The following PCDHGB4 variants were observed in gnomAD, a reference collection of about 807,000 sequenced individuals.
The protein encoded by PCDHGB4 is protocadherin gamma subfamily B, 4, also known as protocadherin gamma-B4.
PCDHGB4 carries 38 observed loss-of-function variants against 60.5 expected under a neutral mutation model. The ratio of observed to expected loss-of-function variants is 0.63; its 90% CI spans 0.48 to 0.82. The LOEUF is 0.82. Among genes scored for constraint, PCDHGB4 ranks in the 40% least tolerant of loss-of-function variants. The pLI is 0.00. For missense variants in PCDHGB4, 1,109 were observed against 1,209.6 expected (o/e 0.92, Z 1.23); for synonymous variants, 456 against 509.7 (o/e 0.89, Z 1.42).
At position 141,389,973 on chromosome 5, in the gene PCDHGB4, A is replaced by C. The variant is rs375422602; in HGVS notation, c.2089A>C (p.Ile697Leu). Residue 697 changes from isoleucine to leucine, a missense_variant, in exon 1 of 4, where the codon ATC becomes CTC. Ile to Leu is a conservative substitution (Grantham distance 5). Around this residue, in one of 2 missense-constraint regions of PCDHGB4, gnomAD observed 1,068 missense variants for 1,089.9 expected, o/e 0.98. Coordinates refer to ENST00000519479, the MANE Select transcript of PCDHGB4 (RefSeq NM_003736.4). ...QFYLVVALAL[I>L]SVLFLVAMIL... Reference sequence around the variant, plus strand: ...TTACCTAGTGGTGGCCTTGGCCTTGATCTCAGTGCTCTTCCTCGTGGCCAT... The same window carrying C: ...TTACCTAGTGGTGGCCTTGGCCTTGCTCTCAGTGCTCTTCCTCGTGGCCAT... 82 of 1,613,684 alleles carry C rather than the reference A, an allele frequency of 5.1e-5. No homozygotes were observed. The highest frequency in any genetic ancestry group is 6.5e-5 in the Non-Finnish European group (77 of 1,179,850).
intron 2 of PCDHGB4, among the ~76,000 whole-genome samples, chr5:141,495,662 C>G (rs545912968): frequency 6.6e-6 from 1 of 152,138 alleles, no homozygotes; most frequent in Admixed American, 6.6e-5. Flanking sequence ...TGATCTGTGC[C>G]GCCCACTGTG....
At position 141,390,285 on chromosome 5, in the gene PCDHGB4, A is replaced by T. The variant is rs1428739924; in HGVS notation, c.2397+4A>T. Reference sequence around the variant, plus strand: ...CAGTGAATTGACTTCCCATCAGGTGAGTTTCCTTTAAGTATAATTTAATGC... The same window carrying T: ...CAGTGAATTGACTTCCCATCAGGTGTGTTTCCTTTAAGTATAATTTAATGC... On this transcript the variant is annotated splice_donor_region_variant and intron_variant, in intron 1 of 3. Transcript: ENST00000519479. 6.2e-7 allele frequency: 1 copy of T among 1,613,968 alleles called. No individual in the cohort carries two copies. Among genetic ancestry groups the T allele is most frequent in the Non-Finnish European group, 8.5e-7 (1 of 1,179,856 alleles).
Position 141,487,007 on chromosome 5 carries a change from G to A in PCDHGB4, c.2398-7800G>A, listed in dbSNP as rs563548715. The A allele has an allele frequency of 3.1e-6, 5 of 1,614,206 alleles. No homozygotes were observed. In the South Asian group the frequency reaches 5.5e-5, roughly 18 times the overall value. ...TGCTTGGGTTTCCTATCAGCTCCTGGAGGCCCCAGATCCCAGCCTGTTTGC... is the reference window on the plus strand; with the variant it reads ...TGCTTGGGTTTCCTATCAGCTCCTGAAGGCCCCAGATCCCAGCCTGTTTGC... On this transcript the variant is annotated intron_variant, in intron 1 of 3. Transcript: ENST00000519479. This position sits in a 1 kb window ranked among gnomAD's most constrained non-coding sequence, Gnocchi z 5.0.
At chr5:141,475,090 A>G (rs991061660) in intron 1 of PCDHGB4, among the ~76,000 whole-genome samples, 1 of 152,264 alleles carries the variant, frequency 6.6e-6, no homozygotes, top group African/African-American at 2.4e-5. Flanking sequence ...CAATAATTTT[A>G]TAAAGATCCT....
chr5:141,423,906 G>A (rs2096789586), intron 1 of PCDHGB4: 17 of 1,272,396 alleles, frequency 1.3e-5, no homozygotes, highest in Non-Finnish European at 1.7e-5. Context: ...ATTTCAAAGG[G>A]GCCATTCAAC....
At position 141,486,038 on chromosome 5, in the gene PCDHGB4, G is replaced by T; in HGVS notation, c.2398-8769G>T. The stretch of plus-strand genomic sequence containing the variant: ...TTTCAGTGGTCATACCCCTGATCGT[G>T]TAAGAAACCTCTTTAGCCTGCACCC... On this transcript the variant is annotated intron_variant, in intron 1 of 3. Coordinates refer to ENST00000519479, the MANE Select transcript of PCDHGB4 (RefSeq NM_003736.4). This position sits in a 1 kb window ranked among gnomAD's most constrained non-coding sequence, Gnocchi z 5.0. The T allele has an allele frequency of 3.1e-6, 5 of 1,614,184 alleles. No individual in the cohort carries two copies. Among genetic ancestry groups the T allele is most frequent in the Non-Finnish European group, 4.2e-6 (5 of 1,180,018 alleles).
rs1461837957 is a variant in PCDHGB4, at chr5:141,432,613, G to C, written c.2397+42332G>C. The C allele has an allele frequency of 6.2e-7, 1 of 1,613,946 alleles. No homozygotes were observed. The highest frequency in any genetic ancestry group is 1.3e-5 in the African/African-American group (1 of 75,056). On this transcript the variant is annotated intron_variant, in intron 1 of 3. Coordinates refer to ENST00000519479, the MANE Select transcript of PCDHGB4 (RefSeq NM_003736.4). The surrounding 1 kb of genome is among the most constrained non-coding windows in gnomAD (Gnocchi z 6.0). ...AGGCCAGCGAGCCGGGACTCTTCTC[G>C]GTGGGTCTGCACACGGGCGAGGTGC...
chr5:141,408,316 G>T (rs1407149479), intron 1 of PCDHGB4: 2 of 1,613,750 alleles, frequency 1.2e-6, no homozygotes, highest in African/African-American at 1.3e-5. Flanking sequence ...ACTCGATTCC[G>T]GAGGAGCTGG....
rs2099389707 is a variant in PCDHGB4, at chr5:141,476,358, G to A, written c.2398-18449G>A. On this transcript the variant is annotated intron_variant, in intron 1 of 3. Transcript: ENST00000519479. This position sits in a 1 kb window ranked among gnomAD's most constrained non-coding sequence, Gnocchi z 7.6. ...AGCCGAAGATTCTTTGAGGTGAACC[G>A]GGAGACCGGAGAGATGTTTGTGAAC... 6.2e-7 allele frequency: 1 copy of A among 1,614,134 alleles called. No individual in the cohort carries two copies. The highest frequency in any genetic ancestry group is 8.5e-7 in the Non-Finnish European group (1 of 1,180,022).
At chr5:141,499,022 AAGG>A (rs2099788758) in intron 2 of PCDHGB4, among the ~76,000 whole-genome samples, 3 of 150,722 alleles carry the variant, frequency 2.0e-5, no homozygotes, top group Non-Finnish European at 3.0e-5. Context: ...GGAAGGAAGG[AAGG>A]AAGAAAAGAA....
At position 141,438,956 on chromosome 5, in the gene PCDHGB4, G is replaced by A. The variant is rs140181975; in HGVS notation, c.2397+48675G>A. 3.9e-3 allele frequency among the ~76,000 whole-genome samples: 592 copies of A among 151,974 alleles called. 6 individuals are homozygous for A. Among genetic ancestry groups the A allele is most frequent in the Admixed American group, 0.011 (171 of 15,242 alleles). On this transcript the variant is annotated intron_variant, in intron 1 of 3. Coordinates refer to ENST00000519479, the MANE Select transcript of PCDHGB4 (RefSeq NM_003736.4). ...GCTGGGATTATAGGCATGAGCCACCGCACCCTGCCAACTGTCTGACTTATC... is the reference window on the plus strand; with the variant it reads ...GCTGGGATTATAGGCATGAGCCACCACACCCTGCCAACTGTCTGACTTATC...
At chr5:141,417,673 C>G in intron 1 of PCDHGB4, 3 of 970,368 alleles carry the variant, frequency 3.1e-6, no homozygotes, top group Non-Finnish European at 2.9e-6. Context: ...CCTGCGCAGC[C>G]AACAACAGAA....
rs761704779 is a variant in PCDHGB4 at position 141,486,764 on chromosome 5, C to T, written c.2398-8043C>T. ...CTTTGACTATGAGCAAACCCAGACA[C>T]TGCAGTTTGAGGTGCAGGCCCGGGA... On this transcript the variant is annotated intron_variant, in intron 1 of 3. Transcript: ENST00000519479. This position sits in a 1 kb window ranked among gnomAD's most constrained non-coding sequence, Gnocchi z 5.0. 6.2e-7 allele frequency: 1 copy of T among 1,614,264 alleles called. No homozygotes were observed. The highest frequency in any genetic ancestry group is 2.2e-5 in the East Asian group (1 of 44,880).
chr5:141,421,569 C>T (rs1029858235), intron 1 of PCDHGB4: 2 of 1,613,884 alleles, frequency 1.2e-6, no homozygotes, highest in Non-Finnish European at 1.7e-6. Flanking sequence ...TGGAAGACAC[C>T]TTGAAGATTT....
chr5:141,396,860 T>C (rs1273570477), intron 1 of PCDHGB4, among the ~76,000 whole-genome samples: 1 of 152,230 alleles, frequency 6.6e-6, no homozygotes, highest in African/African-American at 2.4e-5. Flanking sequence ...ATAGTTTGTG[T>C]ACCATTTGGA....
chr5:141,407,807 T>C (rs916388568), intron 1 of PCDHGB4, among the ~76,000 whole-genome samples: 1 of 152,202 alleles, frequency 6.6e-6, no homozygotes, highest in African/African-American at 2.4e-5. Flanking sequence ...CATAGAAATA[T>C]CTACTATAAT....
chr5:141,450,592 T>G (rs1403924348), intron 1 of PCDHGB4, among the ~76,000 whole-genome samples: 1 of 151,838 alleles, frequency 6.6e-6, no homozygotes, highest in Non-Finnish European at 1.5e-5. Context: ...GTTCAAGCAA[T>G]TCTCCTGCCT....
intron 1 of PCDHGB4, among the ~76,000 whole-genome samples, chr5:141,492,927 G>A (rs925569925): frequency 2.0e-5 from 3 of 152,180 alleles, no homozygotes; most frequent in Admixed American, 6.5e-5. Context: ...AGCGATCTAG[G>A]GTCAGAGATT....
chr5:141,470,825 C>T (rs557419577), intron 1 of PCDHGB4, among the ~76,000 whole-genome samples: 5 of 152,064 alleles, frequency 3.3e-5, no homozygotes, highest in Admixed American at 1.3e-4. Context: ...GTAGTTAGGA[C>T]GACAAACACA....
Sources: gnomAD v4.1 joint callset for allele counts (sites outside exome capture counted in the v4.1 genomes callset) on GRCh38, gnomAD v4.1.1 for gene constraint, gnomAD v4.1.1 regional missense constraint, Gnocchi (gnomAD v3.1) non-coding constraint, MANE v1.5 for transcripts, NCBI Gene and HGNC (gene_info 2026-07-23, HGNC 2026-07-21) for gene names.